The following CYP2J2 variants were observed in gnomAD, a reference collection of about 807,000 sequenced individuals.
CYP2J2 encodes cytochrome P450 2J2.
In CYP2J2, 41 loss-of-function variants were observed where a neutral mutation model predicts 48.8. The observed-to-expected ratio is 0.84, with a 90% CI of 0.66 to 1.09. CYP2J2 has a LOEUF of 1.09. Among genes scored for constraint, CYP2J2 ranks in the 50% least tolerant of loss-of-function variants. The probability of loss-of-function intolerance (pLI) is 0.00; values close to 1 mark genes in which losing one functional copy is unlikely to be tolerated. For synonymous variants in CYP2J2, 221 were observed against 227.1 expected, an observed-to-expected ratio of 0.97 and a Z score of 0.24; for missense variants, 644 against 617.3, an observed-to-expected ratio of 1.04 and a Z score of -0.46.
intron 1 of CYP2J2, among the ~76,000 whole-genome samples, chr1:59,918,024 T>G (rs1644481951): frequency 6.6e-6 from 1 of 152,184 alleles, no homozygotes; most frequent in Non-Finnish European, 1.5e-5. Flanking sequence ...AGTCCTTGTA[T>G]TCTTTTGGCC....
At chr1:59,938,571 C>A in the CYP2J2 span, among the ~76,000 whole-genome samples, 1 of 152,194 alleles carries the variant, frequency 6.6e-6, no homozygotes, top group Non-Finnish European at 1.5e-5. Context: ...TCGCCTCCCA[C>A]CATAGGGCGG....
chr1:59,943,129 G>T, the CYP2J2 span, among the ~76,000 whole-genome samples: 10 of 152,302 alleles, frequency 6.6e-5, no homozygotes, highest in African/African-American at 2.2e-4. Flanking sequence ...AAGTGGACGT[G>T]TCAAGTAGAA....
At chr1:59,911,829 A>C in intron 3 of CYP2J2, 61 bp from the exon 4 acceptor site, 1 of 1,533,502 alleles carries the variant, frequency 6.5e-7, no homozygotes, top group Non-Finnish European at 8.9e-7. Context: ...TTTCCTACTG[A>C]GAGTCTACTT....
chr1:59,963,721 A>G, the CYP2J2 span, among the ~76,000 whole-genome samples: 11,518 of 152,204 alleles, frequency 0.076, 470 homozygotes, highest in African/African-American at 0.11. Flanking sequence ...TGAAATTGGG[A>G]GTCAGGCGGC....
intron 6 of CYP2J2, among the ~76,000 whole-genome samples, chr1:59,906,739 C>T (rs1168139551): frequency 6.6e-6 from 1 of 152,068 alleles, no homozygotes; most frequent in Non-Finnish European, 1.5e-5. Flanking sequence ...TCATACAGTG[C>T]TTATCTGTTT....
intron 7 of CYP2J2, among the ~76,000 whole-genome samples, chr1:59,901,885 A>G (rs2102109472): frequency 6.6e-6 from 1 of 152,194 alleles, no homozygotes; most frequent in East Asian, 1.9e-4. Context: ...TTCTAGCATG[A>G]TTTAGTCATG....
rs116422540 is a variant in CYP2J2, at chr1:59,917,832, C to T, written c.211-1732G>A. Among the ~76,000 whole-genome samples the T allele has an allele frequency of 7.5e-3, 1,142 of 152,266 alleles. 7 individuals carry two copies. The highest frequency in any genetic ancestry group is 0.012 in the Non-Finnish European group (787 of 68,018). ...CTAGCTGCAGGCAGTGGTAACAATC[C>T]GAAGGGCTTCATTTCCTTTAGGTGT... On this transcript the variant is annotated intron_variant, in intron 1 of 8. Coordinates refer to ENST00000371204, the MANE Select transcript of CYP2J2 (RefSeq NM_000775.4).
At chr1:59,905,961 C>T (rs540638019) in intron 6 of CYP2J2, among the ~76,000 whole-genome samples, 14 of 152,262 alleles carry the variant, frequency 9.2e-5, no homozygotes, top group Admixed American at 2.0e-4. Context: ...CCAACGCAGG[C>T]GGATCACGAG....
the CYP2J2 span, among the ~76,000 whole-genome samples, chr1:59,954,152 T>A: frequency 1.3e-5 from 2 of 152,166 alleles, no homozygotes; most frequent in African/African-American, 2.4e-5. Flanking sequence ...CACTCCTCCA[T>A]CAGCCTGGGT....
the CYP2J2 span, among the ~76,000 whole-genome samples, chr1:59,954,696 C>G: frequency 6.6e-6 from 1 of 151,550 alleles, no homozygotes; most frequent in Non-Finnish European, 1.5e-5. Context: ...AGGATCAAAC[C>G]CATGAGTAAA....
chr1:59,894,508 TG>T (rs749072612), intron 8 of CYP2J2, among the ~76,000 whole-genome samples: 2 of 152,210 alleles, frequency 1.3e-5, no homozygotes, highest in Non-Finnish European at 2.9e-5. Context: ...CTCCCTGTTA[TG>T]TGTGGGTGAA....
intron 7 of CYP2J2, among the ~76,000 whole-genome samples, chr1:59,903,753 C>T (rs902870543): frequency 3.3e-5 from 5 of 152,266 alleles, no homozygotes; most frequent in Admixed American, 3.3e-4. Context: ...TAGGGAGATG[C>T]CTTTAAAATC....
At chr1:59,963,119 G>A in the CYP2J2 span, among the ~76,000 whole-genome samples, 2 of 152,238 alleles carry the variant, frequency 1.3e-5, no homozygotes, top group Admixed American at 1.3e-4. Flanking sequence ...ATTGAGATAT[G>A]CAATTCACCC....
At chr1:59,914,222 A>G (rs1644444238) in intron 2 of CYP2J2, among the ~76,000 whole-genome samples, 1 of 152,230 alleles carries the variant, frequency 6.6e-6, no homozygotes, top group African/African-American at 2.4e-5. Context: ...TAGGATATGG[A>G]TTTTATCTAT....
chr1:59,963,532 G>T, the CYP2J2 span, among the ~76,000 whole-genome samples: 1 of 152,144 alleles, frequency 6.6e-6, no homozygotes, highest in Admixed American at 6.5e-5. Flanking sequence ...TCATTCCTGG[G>T]CTGGATGATA....
rs11572326 is a variant in CYP2J2, at chr1:59,893,852, G to A, written c.1331-23C>T. On this transcript the variant is annotated intron_variant, in intron 8 of 8. Coordinates refer to ENST00000371204, the MANE Select transcript of CYP2J2 (RefSeq NM_000775.4). ...TTCCTGTAAGACAAAATCAAAAGAC[G>A]GGTTATCTTCTCAGGTGGCATTTGT... 7.5e-4 allele frequency: 1,187 copies of A among 1,581,138 alleles called. 11 individuals are homozygous for A. The African/African-American group carries it at 0.014, about 19-fold the overall frequency.
In CYP2J2 at chr1:59,911,514, C is replaced by T. The variant is rs143054775; in HGVS notation, c.684+94G>A. ...GTTTTGAAAGGTTATATTTTAACTTCAAAAACCCAAAAAAAACTAAAAGGA... is the reference window on the plus strand; with the variant it reads ...GTTTTGAAAGGTTATATTTTAACTTTAAAAACCCAAAAAAAACTAAAAGGA... On this transcript the variant is annotated intron_variant, in intron 4 of 8. Transcript: ENST00000371204. The T allele has an allele frequency of 7.2e-5, 68 of 950,526 alleles. No individual in the cohort carries two copies. In the African/African-American group the frequency reaches 9.0e-4, roughly 13 times the overall value. The allele number at this position is 950,526 out of a possible 1,614,324, so 58.9% of individuals were successfully genotyped here.
the CYP2J2 span, among the ~76,000 whole-genome samples, chr1:59,955,264 C>CCATATATATATATCCATATATATATAT: frequency 4.1e-5 from 1 of 24,222 alleles, no homozygotes; most frequent in Non-Finnish European, 9.5e-5. Flanking sequence ...ATATATATAT[C>CCATATATATATATCCATATATATATAT]CATATATATA....
the CYP2J2 span, among the ~76,000 whole-genome samples, chr1:59,936,290 A>G: frequency 6.6e-6 from 1 of 152,188 alleles, no homozygotes; most frequent in Non-Finnish European, 1.5e-5. Flanking sequence ...AAAGCAAAAA[A>G]TCAAACCCAT....
Sources: allele counts gnomAD v4.1 joint callset (sites outside exome capture counted in the v4.1 genomes callset), GRCh38; gene constraint gnomAD v4.1.1; transcripts MANE v1.5; gene names NCBI Gene and HGNC (gene_info 2026-07-23, HGNC 2026-07-21).